Variants in TMPRSS4 observed in about 807,000 individuals in gnomAD.
TMPRSS4 encodes the protein transmembrane serine protease 4.
In TMPRSS4, 45 loss-of-function variants were observed where a neutral mutation model predicts 56.4. That is an observed-to-expected ratio of 0.80 (90% CI 0.63 to 1.02). The LOEUF (loss-of-function observed/expected upper bound fraction) is 1.02. Ranked by LOEUF, TMPRSS4 falls within the 50% of genes least tolerant of loss-of-function variation. The pLI, the probability that TMPRSS4 is intolerant of heterozygous loss-of-function variation, is 0.00. For missense variants in TMPRSS4, 546 were observed against 556.7 expected, an observed-to-expected ratio of 0.98 and a Z score of 0.19; for synonymous variants, 205 against 211.0, an observed-to-expected ratio of 0.97 and a Z score of 0.25.
At chr11:118,112,370 C>A (rs1481078768) in intron 8 of TMPRSS4, among the ~76,000 whole-genome samples, 4 of 148,522 alleles carry the variant, frequency 2.7e-5, no homozygotes, top group Non-Finnish European at 4.4e-5. Context: ...TACTCCCAGA[C>A]CCCCTTCACT....
intron 1 of TMPRSS4, among the ~76,000 whole-genome samples, 164 bp from the exon 2 acceptor site, chr11:118,094,652 A>C (rs1308153712): frequency 2.0e-5 from 3 of 152,246 alleles, no homozygotes; most frequent in Non-Finnish European, 4.4e-5. Context: ...AAACAGGTGC[A>C]TGACTGAATG....
chr11:118,077,424 A>G, intron 1 of TMPRSS4, 119 bp downstream of exon 1: 1 of 1,265,806 alleles, frequency 7.9e-7, no homozygotes, highest in Non-Finnish European at 1.1e-6. Flanking sequence ...TAGGTTAAAA[A>G]AAGAGGCCAC....
At chr11:118,095,768 G>A (rs910217616) in intron 2 of TMPRSS4, among the ~76,000 whole-genome samples, 1 of 152,180 alleles carries the variant, frequency 6.6e-6, no homozygotes, top group East Asian at 1.9e-4. Context: ...AATTACACTG[G>A]CTTTGAAAGA....
chr11:118,088,443 G>C (rs962292047), intron 1 of TMPRSS4: 2 of 152,208 alleles, frequency 1.3e-5, no homozygotes, highest in Non-Finnish European at 2.9e-5. Flanking sequence ...TCTCTGAGTT[G>C]ATCAGGCAAT....
At chr11:118,095,740 G>C (rs2135346736) in intron 2 of TMPRSS4, among the ~76,000 whole-genome samples, 1 of 152,292 alleles carries the variant, frequency 6.6e-6, no homozygotes, top group East Asian at 1.9e-4. Flanking sequence ...AGTCCATTTG[G>C]CTCAGAGAAA....
chr11:118,080,533 C>T (rs1945044925), intron 1 of TMPRSS4, among the ~76,000 whole-genome samples: 5 of 152,116 alleles, frequency 3.3e-5, no homozygotes, highest in Admixed American at 3.3e-4. Context: ...GTTCAGATGT[C>T]AGGGCTCCTG....
At position 118,103,088 on chromosome 11, in the gene TMPRSS4, A is replaced by T; in HGVS notation, c.158-13A>T. The T allele has an allele frequency of 6.2e-7, 1 of 1,613,788 alleles. No homozygotes were observed. The highest frequency in any genetic ancestry group is 8.5e-7 in the Non-Finnish European group (1 of 1,179,888). ...CTCAGCCCTCTCTGCCTCTCCCTGC[A>T]CTTGCCTTCCAGTCAAGGTGATTCT... is the stretch of plus-strand genomic sequence containing the variant. On this transcript the variant is annotated splice_polypyrimidine_tract_variant and intron_variant, in intron 3 of 12. Transcript: ENST00000437212.
At chr11:118,095,185 A>G in intron 2 of TMPRSS4, 1 of 293,674 alleles carries the variant, frequency 3.4e-6, no homozygotes, top group South Asian at 5.3e-5. Flanking sequence ...ATGCTGGGCT[A>G]TAACACTAAT....
Position 118,094,868 on chromosome 11 carries a change from C to G in TMPRSS4, c.43+13C>G. Reference sequence around the variant, plus strand: ...CTGAACAGCCTCGGTAAGTTCAGGTCCGGCTTTCATTCGTCCACCTTAGCC... The same window carrying G: ...CTGAACAGCCTCGGTAAGTTCAGGTGCGGCTTTCATTCGTCCACCTTAGCC... On this transcript the variant is annotated intron_variant, in intron 2 of 12. Transcript: ENST00000437212. 1 of 1,611,726 alleles carries G rather than the reference C, an allele frequency of 6.2e-7. No individual in the cohort carries two copies. Among genetic ancestry groups the G allele is most frequent in the Non-Finnish European group, 8.5e-7 (1 of 1,179,058 alleles).
rs180736820 is a variant in TMPRSS4 at position 118,091,856 on chromosome 11, G to C, written c.4-2960G>C. 2.1e-3 allele frequency among the ~76,000 whole-genome samples: 314 copies of C among 152,192 alleles called. 1 individual carries two copies. Among genetic ancestry groups the C allele is most frequent in the African/African-American group, 7.0e-3 (292 of 41,522 alleles). The stretch of plus-strand genomic sequence containing the variant: ...TAGCTGCAACAATGCAGAGTCGTCC[G>C]ATTGGGTCTCATCTTCAGCCTGGAA... On this transcript the variant is annotated intron_variant, in intron 1 of 12. Transcript: ENST00000437212.
At position 118,120,060 on chromosome 11, in the gene TMPRSS4, G is replaced by T. The variant is rs1251180221; in HGVS notation, c.*2147G>T. On this transcript the variant is annotated 3_prime_UTR_variant, in exon 13 of 13. Coordinates refer to ENST00000437212, the MANE Select transcript of TMPRSS4 (RefSeq NM_019894.4). ...ATTGTGCTTTCAGTCTCTGTGAACTGGATTACTCTGGGTACCTCATTTAAG... is the reference window on the plus strand; with the variant it reads ...ATTGTGCTTTCAGTCTCTGTGAACTTGATTACTCTGGGTACCTCATTTAAG... The T allele has an allele frequency of 1.3e-5, 2 of 152,086 alleles. No individual in the cohort carries two copies. Among genetic ancestry groups the T allele is most frequent in the African/African-American group, 4.8e-5 (2 of 41,382 alleles). The allele number at this position is 152,086 out of a possible 1,614,324, so 9.4% of individuals were successfully genotyped here.
At chr11:118,117,504 T>TG (rs780853504) in intron 12 of TMPRSS4, 50 bp downstream of exon 12, 4 of 1,571,670 alleles carry the variant, frequency 2.5e-6, no homozygotes, top group South Asian at 1.2e-5. Context: ...GTCCTCTACC[T>TG]GGGGGGTGCC....
chr11:118,094,912 A>C, intron 2 of TMPRSS4, 57 bp downstream of exon 2: 1 of 1,589,702 alleles, frequency 6.3e-7, no homozygotes, highest in Non-Finnish European at 8.6e-7. Context: ...TCAGCTACCA[A>C]GTAGATCCTA....
intron 11 of TMPRSS4, 54 bp downstream of exon 11, chr11:118,115,334 G>C: frequency 1.3e-6 from 2 of 1,585,148 alleles, no homozygotes; most frequent in Non-Finnish European, 1.7e-6. Context: ...AGGTCCTAGA[G>C]AGATGAGAAA....
rs1165672016 is a variant in TMPRSS4, at chr11:118,097,023, A to G, written c.44-1962A>G. Among the ~76,000 whole-genome samples, 181 of 28,014 alleles carry G rather than the reference A, an allele frequency of 6.5e-3. 5 individuals carry two copies. The highest frequency in any genetic ancestry group is 0.03 in the African/African-American group (116 of 3,840). The allele number at this position is 28,014 out of a possible 152,430, so 18.4% of individuals were successfully genotyped here. On this transcript the variant is annotated intron_variant, in intron 2 of 12. Coordinates refer to ENST00000437212, the MANE Select transcript of TMPRSS4 (RefSeq NM_019894.4). ...AAGAAAGAAAGAAAGAAAGAAAGAA[A>G]GAAAGAAAGAAAAGGAAAGAAAGGA...
downstream of TMPRSS4, among the ~76,000 whole-genome samples, chr11:118,122,167 T>C (rs1419017996): frequency 6.6e-6 from 1 of 151,970 alleles, no homozygotes. Context: ...ATATACAAAG[T>C]AGGATAGTGA....
intron 3 of TMPRSS4, among the ~76,000 whole-genome samples, chr11:118,102,268 T>A (rs1946754150): frequency 6.6e-6 from 1 of 152,176 alleles, no homozygotes; most frequent in South Asian, 2.1e-4. Flanking sequence ...ATTCTAGAAC[T>A]ATACTTGATA....
At chr11:118,117,236 G>C (rs909621967) in intron 11 of TMPRSS4, 69 bp from the exon 12 acceptor site, 5 of 1,519,920 alleles carry the variant, frequency 3.3e-6, no homozygotes, top group Non-Finnish European at 4.5e-6. Flanking sequence ...CCAGTTCAGG[G>C]AGCAGAGAAG....
intron 1 of TMPRSS4, among the ~76,000 whole-genome samples, chr11:118,080,826 T>C (rs1945070467): frequency 6.6e-6 from 1 of 152,190 alleles, no homozygotes; most frequent in Non-Finnish European, 1.5e-5. Flanking sequence ...CTCCACGGCC[T>C]CAGACTTCCC....
Sources: gnomAD v4.1 joint callset for allele counts (sites outside exome capture counted in the v4.1 genomes callset) on GRCh38, gnomAD v4.1.1 for gene constraint, MANE v1.5 for transcripts, NCBI Gene and HGNC (gene_info 2026-07-23, HGNC 2026-07-21) for gene names.